The following PCDHGC3 variants were observed in gnomAD, a reference collection of about 807,000 sequenced individuals.
The protein encoded by PCDHGC3 is protocadherin gamma-C3.
Under a neutral mutation model 59.2 loss-of-function variants are expected in PCDHGC3, and 26 were observed. The observed-to-expected ratio is 0.44, with a 90% CI of 0.32 to 0.61. PCDHGC3 has a LOEUF of 0.61. PCDHGC3 is among the 20% of genes least tolerant of loss of function. PCDHGC3 has a pLI of 0.05. For synonymous variants in PCDHGC3, 487 were observed against 519.7 expected (o/e 0.94, Z 0.86); for missense variants, 1,080 against 1,221.8 (o/e 0.88, Z 1.73).
intron 3 of PCDHGC3, among the ~76,000 whole-genome samples, chr5:141,508,957 C>T (rs1242113190): frequency 6.6e-6 from 1 of 151,976 alleles, no homozygotes; most frequent in Non-Finnish European, 1.5e-5. Context: ...GAAATGTCAG[C>T]GGAATGAAAG....
intron 1 of PCDHGC3, 133 bp downstream of exon 1, chr5:141,478,679 C>T (rs1247027395): frequency 3.2e-6 from 5 of 1,551,382 alleles, no homozygotes; most frequent in East Asian, 2.4e-5. Flanking sequence ...TCAACTGGCC[C>T]TTCCTAGATC....
Position 141,493,701 on chromosome 5 carries a change from C to G in PCDHGC3, c.2431-1106C>G, listed in dbSNP as rs2099749680. 6.6e-6 allele frequency among the ~76,000 whole-genome samples: 1 copy of G among 152,172 alleles called. No homozygotes were observed. Among genetic ancestry groups the G allele is most frequent in the Admixed American group, 6.5e-5 (1 of 15,286 alleles). On this transcript the variant is annotated intron_variant, in intron 1 of 3. Coordinates refer to ENST00000308177, the MANE Select transcript of PCDHGC3 (RefSeq NM_002588.4). This position sits in a 1 kb window ranked among gnomAD's most constrained non-coding sequence, Gnocchi z 4.3. Reference sequence around the variant, plus strand: ...ATGGTGCTGGTGACTCCCGATACACCTGGAATGCTAGGTTTCTGGGTTCTG... The same window carrying G: ...ATGGTGCTGGTGACTCCCGATACACGTGGAATGCTAGGTTTCTGGGTTCTG...
At chr5:141,496,373 C>T (rs1315450867) in intron 2 of PCDHGC3, among the ~76,000 whole-genome samples, 2 of 152,216 alleles carry the variant, frequency 1.3e-5, no homozygotes. Flanking sequence ...GAAGCAGGAG[C>T]TTGGGCCACC....
In PCDHGC3 at chr5:141,486,574, C is replaced by T. The variant is rs1435813800; in HGVS notation, c.2430+8028C>T. On this transcript the variant is annotated intron_variant, in intron 1 of 3. Transcript: ENST00000308177. This position sits in a 1 kb window ranked among gnomAD's most constrained non-coding sequence, Gnocchi z 5.0. ...CACATGAGGTGTTTGTTCCTGAGAACAATCGCCCAGGGGACCTGCTTTGCT... is the reference window on the plus strand; with the variant it reads ...CACATGAGGTGTTTGTTCCTGAGAATAATCGCCCAGGGGACCTGCTTTGCT... The T allele has an allele frequency of 1.9e-6, 3 of 1,613,868 alleles. No homozygotes were observed. Among genetic ancestry groups the T allele is most frequent in the Non-Finnish European group, 2.5e-6 (3 of 1,180,002 alleles).
At chr5:141,501,997 C>A (rs2099812238) in intron 2 of PCDHGC3, among the ~76,000 whole-genome samples, 1 of 152,128 alleles carries the variant, frequency 6.6e-6, no homozygotes, top group Non-Finnish European at 1.5e-5. Context: ...GTCTCCCTGA[C>A]AACCCGCATG....
rs1562137380 is a variant in PCDHGC3, at chr5:141,490,297, G to T, written c.2431-4510G>T. On this transcript the variant is annotated intron_variant, in intron 1 of 3. Coordinates refer to ENST00000308177, the MANE Select transcript of PCDHGC3 (RefSeq NM_002588.4). This position sits in a 1 kb window ranked among gnomAD's most constrained non-coding sequence, Gnocchi z 5.4. The stretch of plus-strand genomic sequence containing the variant: ...TGACAATGCCCCAGAGGTGCTATTG[G>T]CCTCTTTGGCCAACCCTGTCCTAGA... 2 of 1,614,202 alleles carry T rather than the reference G, an allele frequency of 1.2e-6. No individual in the cohort carries two copies. Among genetic ancestry groups the T allele is most frequent in the South Asian group, 1.1e-5 (1 of 91,086 alleles).
Position 141,489,316 on chromosome 5 carries a change from T to C in PCDHGC3, c.2431-5491T>C, listed in dbSNP as rs2099685399. On this transcript the variant is annotated intron_variant, in intron 1 of 3. Transcript: ENST00000308177. This position sits in a 1 kb window ranked among gnomAD's most constrained non-coding sequence, Gnocchi z 4.5. The stretch of plus-strand genomic sequence containing the variant: ...CATGTTGTCCTTGTGCTGCTGGGGC[T>C]GGGTGTCTGGGCAGCTTCGTTACTC... The C allele has an allele frequency of 1.3e-6, 2 of 1,597,946 alleles. No individual in the cohort carries two copies. Among genetic ancestry groups the C allele is most frequent in the Admixed American group, 1.7e-5 (1 of 58,864 alleles).
chr5:141,490,641 G>A lies in PCDHGC3; in HGVS notation c.2431-4166G>A. 3 of 1,614,160 alleles carry A rather than the reference G, an allele frequency of 1.9e-6. No homozygotes were observed. On this transcript the variant is annotated intron_variant, in intron 1 of 3. Transcript: ENST00000308177. This position sits in a 1 kb window ranked among gnomAD's most constrained non-coding sequence, Gnocchi z 5.4. Reference sequence around the variant, plus strand: ...ACACTGCTTACATCCTAGAAAACCGGCCTCCGGGCTCCCTTCTTTGCACTG... The same window carrying A: ...ACACTGCTTACATCCTAGAAAACCGACCTCCGGGCTCCCTTCTTTGCACTG...
intron 2 of PCDHGC3, among the ~76,000 whole-genome samples, chr5:141,496,955 G>T (rs2099772887): frequency 6.6e-6 from 1 of 152,006 alleles, no homozygotes; most frequent in African/African-American, 2.4e-5. Context: ...GGAGGCCAAG[G>T]TGGGTAGATC....
chr5:141,489,428 G>C lies in PCDHGC3; in HGVS notation c.2431-5379G>C, dbSNP rs561792279. The C allele has an allele frequency of 1.2e-6, 2 of 1,613,994 alleles. No individual in the cohort carries two copies. Among genetic ancestry groups the C allele is most frequent in the Non-Finnish European group, 1.7e-6 (2 of 1,180,038 alleles). On this transcript the variant is annotated intron_variant, in intron 1 of 3. Coordinates refer to ENST00000308177, the MANE Select transcript of PCDHGC3 (RefSeq NM_002588.4). This position sits in a 1 kb window ranked among gnomAD's most constrained non-coding sequence, Gnocchi z 4.5. The stretch of plus-strand genomic sequence containing the variant: ...AAGATGACAGATCTGTTGAGCCGGC[G>C]GCTGCAATTGGGCTCTGAGGAGAAT...
chr5:141,494,773 G>C, intron 1 of PCDHGC3, 34 bp from the exon 2 acceptor site: 1 of 1,613,966 alleles, frequency 6.2e-7, no homozygotes, highest in Non-Finnish European at 8.5e-7. Context: ...CTTCTCACGG[G>C]TACTCAGCCC....
chr5:141,491,800 C>T lies in PCDHGC3; in HGVS notation c.2431-3007C>T. The T allele has an allele frequency of 6.7e-7, 1 of 1,500,854 alleles. No individual in the cohort carries two copies. Among genetic ancestry groups the T allele is most frequent in the Non-Finnish European group, 8.9e-7 (1 of 1,125,316 alleles). 93.0% of individuals were successfully genotyped at this position (1,500,854 alleles called of 1,614,324 possible). A position where few individuals can be genotyped will look rare whatever the true frequency, so the allele number is the denominator to read the frequency against. Reference sequence around the variant, plus strand: ...GAACTTGCATCCACTCCTCTCCGGCCGGCTTGGTCGCTGGCTGCGCTCCAC... The same window carrying T: ...GAACTTGCATCCACTCCTCTCCGGCTGGCTTGGTCGCTGGCTGCGCTCCAC... On this transcript the variant is annotated intron_variant, in intron 1 of 3. Transcript: ENST00000308177. The surrounding 1 kb of genome is among the most constrained non-coding windows in gnomAD (Gnocchi z 6.9).
Position 141,477,256 on chromosome 5 carries a change from T to G in PCDHGC3, c.1140T>G (p.Asp380Glu). 2 of 1,614,210 alleles carry G rather than the reference T, an allele frequency of 1.2e-6. No homozygotes were observed. The highest frequency in any genetic ancestry group is 1.7e-6 in the Non-Finnish European group (2 of 1,180,038). The change falls in exon 1 of 4, where the codon GAT becomes GAG. Residue 380 changes from aspartate (D) to glutamate (E), a missense_variant. Physicochemically the swap from Asp to Glu is conservative, Grantham distance 45. Coordinates refer to ENST00000308177, the MANE Select transcript of PCDHGC3 (RefSeq NM_002588.4). This position sits in a 1 kb window ranked among gnomAD's most constrained non-coding sequence, Gnocchi z 4.9. Reference sequence around the variant, plus strand: ...CTTTGCTCAGTGTGACTGACCTGGATGCTGGCGAGAACGGGCTGGTGACCT... The same window carrying G: ...CTTTGCTCAGTGTGACTGACCTGGAGGCTGGCGAGAACGGGCTGGTGACCT... ...VIALLSVTDL[D>E]AGENGLVTCE...
At position 141,485,682 on chromosome 5, in the gene PCDHGC3, A is replaced by T. The variant is rs779441999; in HGVS notation, c.2430+7136A>T. 6.2e-7 allele frequency: 1 copy of T among 1,613,958 alleles called. No individual in the cohort carries two copies. Among genetic ancestry groups the T allele is most frequent in the Non-Finnish European group, 8.5e-7 (1 of 1,179,972 alleles). On this transcript the variant is annotated intron_variant, in intron 1 of 3. Transcript: ENST00000308177. This position sits in a 1 kb window ranked among gnomAD's most constrained non-coding sequence, Gnocchi z 5.7. ...GTGGGGAGCAATTCGATTAGCAGCT[A>T]TAGGCTGAGCTCCAATGAACACTTT...
chr5:141,491,580 G>A lies in PCDHGC3; in HGVS notation c.2431-3227G>A. 6.2e-7 allele frequency: 1 copy of A among 1,613,942 alleles called. No individual in the cohort carries two copies. Among genetic ancestry groups the A allele is most frequent in the Non-Finnish European group, 8.5e-7 (1 of 1,180,044 alleles). ...ACTGCTACAGGACGTGCTTTTCACC[G>A]GCCTCGGACGGCAGTGACTTCACTT... is the stretch of plus-strand genomic sequence containing the variant. On this transcript the variant is annotated intron_variant, in intron 1 of 3. Coordinates refer to ENST00000308177, the MANE Select transcript of PCDHGC3 (RefSeq NM_002588.4). The surrounding 1 kb of genome is among the most constrained non-coding windows in gnomAD (Gnocchi z 6.9).
chr5:141,479,572 T>G (rs956648090), intron 1 of PCDHGC3: 2 of 152,190 alleles, frequency 1.3e-5, no homozygotes, highest in African/African-American at 2.4e-5. Context: ...TGGGATGACA[T>G]CTGTGAATAG....
rs1270447529 is a variant in PCDHGC3 at position 141,490,526 on chromosome 5, C to A, written c.2431-4281C>A. 3 of 1,614,116 alleles carry A rather than the reference C, an allele frequency of 1.9e-6. No homozygotes were observed. Among genetic ancestry groups the A allele is most frequent in the Non-Finnish European group, 2.5e-6 (3 of 1,180,008 alleles). On this transcript the variant is annotated intron_variant, in intron 1 of 3. Transcript: ENST00000308177. This position sits in a 1 kb window ranked among gnomAD's most constrained non-coding sequence, Gnocchi z 5.4. ...ATCATCGAGCTGCTGGCCAGCGATG[C>A]TGGTTCACCTTCCCTACACAAACAT...
chr5:141,508,790 C>T (rs1181979966), intron 3 of PCDHGC3, among the ~76,000 whole-genome samples: 1 of 152,072 alleles, frequency 6.6e-6, no homozygotes, highest in African/African-American at 2.4e-5. Flanking sequence ...CCCTAAATCA[C>T]TCTGGAATCC....
chr5:141,484,866 C>A (rs1474623432), intron 1 of PCDHGC3: 9 of 275,500 alleles, frequency 3.3e-5, no homozygotes, highest in Non-Finnish European at 5.5e-5. Context: ...GGTGGGGGAG[C>A]GTGGAGGATA....
Sources: gnomAD v4.1 joint callset for allele counts (sites outside exome capture counted in the v4.1 genomes callset) on GRCh38, gnomAD v4.1.1 for gene constraint, Gnocchi (gnomAD v3.1) non-coding constraint, MANE v1.5 for transcripts, NCBI Gene and HGNC (gene_info 2026-07-23, HGNC 2026-07-21) for gene names.